TENM3: variants seen among roughly 807,000 people sequenced by gnomAD.
TENM3 encodes teneurin transmembrane protein 3, also known as teneurin-3.
Under a neutral mutation model 255.1 loss-of-function variants are expected in TENM3, and 63 were observed. That is an observed-to-expected ratio of 0.25 (90% CI 0.20 to 0.30). The LOEUF is 0.30. TENM3 is among the 10% of genes least tolerant of loss of function. The pLI is 1.00. For synonymous variants in TENM3, 1,306 were observed against 1,322.3 expected (o/e 0.99, Z 0.27); for missense variants, 2,929 against 3,461.1 (o/e 0.85, Z 3.86).
At chr4:181,561,647 A>G in the TENM3 span, among the ~76,000 whole-genome samples, 1 of 152,176 alleles carries the variant, frequency 6.6e-6, no homozygotes, top group African/African-American at 2.4e-5. Context: ...TGATTTTTAC[A>G]TTCTAGATAT....
chr4:182,679,071 C>G (rs970132339), intron 7 of TENM3, among the ~76,000 whole-genome samples: 1 of 151,988 alleles, frequency 6.6e-6, no homozygotes, highest in Non-Finnish European at 1.5e-5. Flanking sequence ...GTGTCAGGGG[C>G]TAGGGGAGGG....
rs550316652 is a variant in TENM3, at chr4:182,344,510, G to GAT, written c.233-2140_233-2139dup. Among the ~76,000 whole-genome samples, 1,061 of 152,214 alleles carry GAT rather than the reference G, an allele frequency of 7.0e-3. 7 individuals carry two copies. Among genetic ancestry groups the GAT allele is most frequent in the Non-Finnish European group, 0.01 (698 of 67,980 alleles). ...TGTGTTTACATACCTGGGTAACAAA[G>GAT]ATTACAGTTTTCTGCTTCCTTCACC... is the stretch of plus-strand genomic sequence containing the variant. On this transcript the variant is annotated intron_variant, in intron 2 of 27. Coordinates refer to ENST00000511685, the MANE Select transcript of TENM3 (RefSeq NM_001080477.4).
chr4:182,262,613 C>A (rs1440591291), intron 1 of TENM3, among the ~76,000 whole-genome samples: 1 of 152,126 alleles, frequency 6.6e-6, no homozygotes, highest in Non-Finnish European at 1.5e-5. Flanking sequence ...AATAATCCAC[C>A]CCTTGTTTAG....
chr4:181,650,854 C>T, the TENM3 span, among the ~76,000 whole-genome samples: 1 of 152,176 alleles, frequency 6.6e-6, no homozygotes, highest in East Asian at 1.9e-4. Flanking sequence ...AGTGAAAGAA[C>T]AGTTGTTTTC....
At chr4:181,942,737 A>G in the TENM3 span, among the ~76,000 whole-genome samples, 6 of 152,346 alleles carry the variant, frequency 3.9e-5, no homozygotes, top group African/African-American at 1.4e-4. Context: ...AAGTCTATTT[A>G]GATTGCTTTG....
At chr4:182,512,191 G>A (rs572787240) in intron 3 of TENM3, among the ~76,000 whole-genome samples, 114 of 152,264 alleles carry the variant, frequency 7.5e-4, no homozygotes, top group Middle Eastern at 3.4e-3. Flanking sequence ...TCCCTTGCAC[G>A]TAGGTATGGA....
intron 16 of TENM3, among the ~76,000 whole-genome samples, chr4:182,732,096 TA>T (rs1208770377): frequency 6.6e-6 from 1 of 152,124 alleles, no homozygotes; most frequent in African/African-American, 2.4e-5. Context: ...AGTTATTTCT[TA>T]AAGATCTACT....
At chr4:182,601,791 C>A (rs554512062) in intron 4 of TENM3, among the ~76,000 whole-genome samples, 2 of 152,294 alleles carry the variant, frequency 1.3e-5, no homozygotes, top group South Asian at 4.1e-4. Flanking sequence ...ATCTCCATCC[C>A]TGAAACTTCC....
At chr4:182,161,957 GTGTATATATATA>G (rs1282084419) in intron 1 of TENM3, among the ~76,000 whole-genome samples, 1,016 of 44,742 alleles carry the variant, frequency 0.023, 91 homozygotes, top group African/African-American at 0.069. Context: ...GTGTGTGTGT[GTGTATATATATA>G]TATATATATA....
chr4:182,038,783 G>C, the TENM3 span, among the ~76,000 whole-genome samples: 4 of 152,082 alleles, frequency 2.6e-5, no homozygotes, highest in African/African-American at 9.7e-5. Flanking sequence ...GCCCAAGCTG[G>C]AATGCAGTGG....
intron 3 of TENM3, among the ~76,000 whole-genome samples, chr4:182,490,948 A>G (rs757227055): frequency 1.1e-4 from 17 of 152,204 alleles, no homozygotes; most frequent in Non-Finnish European, 2.2e-4. Context: ...ATACAGGAAC[A>G]TTTTTGAGAA....
At chr4:181,573,418 T>A in the TENM3 span, among the ~76,000 whole-genome samples, 1 of 150,800 alleles carries the variant, frequency 6.6e-6, no homozygotes, top group Non-Finnish European at 1.5e-5. Flanking sequence ...CTTTCTTAAA[T>A]TTTTTTTTTA....
At chr4:182,432,027 G>A (rs1771689138) in intron 3 of TENM3, among the ~76,000 whole-genome samples, 4 of 148,486 alleles carry the variant, frequency 2.7e-5, no homozygotes, top group Non-Finnish European at 5.9e-5. Flanking sequence ...AGTGGGCCGA[G>A]ATCCGAGATC....
chr4:182,174,330 C>A (rs1430468925), intron 1 of TENM3, among the ~76,000 whole-genome samples: 2 of 148,462 alleles, frequency 1.3e-5, no homozygotes, highest in African/African-American at 5.0e-5. Context: ...GGAACTGATT[C>A]TTTGTTTTTC....
At chr4:182,196,586 GA>G (rs1271607420) in intron 1 of TENM3, among the ~76,000 whole-genome samples, 1 of 152,112 alleles carries the variant, frequency 6.6e-6, no homozygotes, top group Non-Finnish European at 1.5e-5. Context: ...TCTCTGGCTG[GA>G]AAGTCTCATT....
the TENM3 span, chr4:181,820,263 T>C: frequency 6.6e-6 from 1 of 152,204 alleles, no homozygotes; most frequent in Non-Finnish European, 1.5e-5. Flanking sequence ...TTCAAGTAAT[T>C]TATTTCCTAG....
intron 22 of TENM3, among the ~76,000 whole-genome samples, chr4:182,767,626 C>T (rs1323549200): frequency 2.0e-5 from 3 of 152,028 alleles, no homozygotes; most frequent in Admixed American, 6.5e-5. Flanking sequence ...CACGTATATA[C>T]ACTACGTATA....
chr4:182,271,972 TC>T (rs1232767902), intron 1 of TENM3, among the ~76,000 whole-genome samples: 6 of 152,200 alleles, frequency 3.9e-5, no homozygotes, highest in African/African-American at 1.4e-4. Flanking sequence ...TGCGCAGTCC[TC>T]GTGACCGTTC....
chr4:182,019,236 C>G, the TENM3 span, among the ~76,000 whole-genome samples: 1 of 152,124 alleles, frequency 6.6e-6, no homozygotes, highest in Non-Finnish European at 1.5e-5. Flanking sequence ...TTGGAAACCC[C>G]CAAAGTTTCC....
Sources: gnomAD v4.1 joint callset for allele counts (sites outside exome capture counted in the v4.1 genomes callset) on GRCh38, gnomAD v4.1.1 for gene constraint, MANE v1.5 for transcripts, NCBI Gene and HGNC (gene_info 2026-07-23, HGNC 2026-07-21) for gene names.